The following EBF1 variants were observed in gnomAD, a reference collection of about 807,000 sequenced individuals.
The protein encoded by EBF1 is transcription factor COE1.
In EBF1, 10 loss-of-function variants were observed where a neutral mutation model predicts 68.4. The observed-to-expected ratio is 0.15, with a 90% CI of 0.09 to 0.25. EBF1 has a LOEUF of 0.25. EBF1 is among the 10% of genes least tolerant of loss of function. EBF1 has a pLI of 1.00. For synonymous variants in EBF1, 298 were observed against 299.8 expected (o/e 0.99, Z 0.06); for missense variants, 509 against 794.4 (o/e 0.64, Z 4.32).
At chr5:158,888,272 G>A (rs1186167954) in intron 6 of EBF1, among the ~76,000 whole-genome samples, 10 of 151,984 alleles carry the variant, frequency 6.6e-5, no homozygotes, top group Middle Eastern at 3.4e-3. Context: ...GTGTGTGTGC[G>A]TGCGTGTGTG....
Position 159,095,665 on chromosome 5 carries a change from C to T in EBF1, c.366G>A (p.Thr122=). ...LQLLYSNGIR[T]EQDFYVRLID... ...TGAGGCGCACGTAGAAATCCTGCTCCGTCCTTATCCCTAGGGTTGGAAATG... is the reference window on the plus strand; with the variant it reads ...TGAGGCGCACGTAGAAATCCTGCTCTGTCCTTATCCCTAGGGTTGGAAATG... The change falls in exon 4 of 16, where the codon ACG becomes ACA. Residue 122 remains threonine, a synonymous_variant. Coordinates refer to ENST00000313708, the MANE Select transcript of EBF1 (RefSeq NM_024007.5). The T allele has an allele frequency of 5.0e-6, 8 of 1,614,016 alleles. No homozygotes were observed. Among genetic ancestry groups the T allele is most frequent in the Non-Finnish European group, 6.8e-6 (8 of 1,179,948 alleles).
intron 6 of EBF1, among the ~76,000 whole-genome samples, chr5:158,884,439 A>G (rs1799594300): frequency 6.6e-6 from 1 of 152,234 alleles, no homozygotes; most frequent in African/African-American, 2.4e-5. Context: ...AAATGAAAAT[A>G]ATACATTCAA....
chr5:159,096,543 A>C lies in EBF1; in HGVS notation c.292-137T>G. On this transcript the variant is annotated intron_variant, in intron 2 of 15. Transcript: ENST00000313708. ...CCAGGCAGCCACGGTAGCAGCAGAA[A>C]TTGTGGCCAATTGTGATCCCTCCTC... 5.8e-6 allele frequency: 5 copies of C among 867,986 alleles called. No homozygotes were observed. The South Asian group carries it at 8.0e-5, about 14-fold the overall frequency. The allele number at this position is 867,986 out of a possible 1,614,324, so 53.8% of individuals were successfully genotyped here. A position where few individuals can be genotyped will look rare whatever the true frequency, so the allele number is the denominator to read the frequency against.
At chr5:158,811,647 C>T (rs886361725) in intron 8 of EBF1, among the ~76,000 whole-genome samples, 2 of 152,186 alleles carry the variant, frequency 1.3e-5, no homozygotes, top group Non-Finnish European at 2.9e-5. Context: ...CAACCGCTAT[C>T]GTAACAGTAA....
At chr5:158,945,966 A>G (rs886907152) in intron 6 of EBF1, among the ~76,000 whole-genome samples, 4 of 151,950 alleles carry the variant, frequency 2.6e-5, no homozygotes, top group African/African-American at 9.7e-5. Flanking sequence ...CTTCCACTTG[A>G]TCAATTTGGC....
intron 10 of EBF1, among the ~76,000 whole-genome samples, chr5:158,750,437 C>A (rs1768557220): frequency 6.6e-6 from 1 of 151,894 alleles, no homozygotes; most frequent in East Asian, 1.9e-4. Flanking sequence ...TATTTCCTAA[C>A]TGGGCAGATA....
intron 6 of EBF1, among the ~76,000 whole-genome samples, chr5:158,874,525 G>A (rs1797455264): frequency 6.6e-6 from 1 of 152,140 alleles, no homozygotes; most frequent in Non-Finnish European, 1.5e-5. Flanking sequence ...CCACGTGTTG[G>A]TTAACACTGA....
intron 6 of EBF1, among the ~76,000 whole-genome samples, chr5:159,056,403 G>T (rs888999623): frequency 1.3e-5 from 2 of 152,122 alleles, no homozygotes; most frequent in South Asian, 2.1e-4. Flanking sequence ...CAGTACAGAA[G>T]CTGCCAACTC....
intron 6 of EBF1, among the ~76,000 whole-genome samples, chr5:159,005,033 C>T (rs762529392): frequency 6.6e-5 from 10 of 152,212 alleles, no homozygotes; most frequent in Non-Finnish European, 1.3e-4. Context: ...TTACCATGAC[C>T]CAAAGACTGC....
intron 10 of EBF1, among the ~76,000 whole-genome samples, chr5:158,755,614 A>G (rs754070418): frequency 4.6e-5 from 7 of 152,182 alleles, no homozygotes; most frequent in Non-Finnish European, 7.4e-5. Flanking sequence ...TGAAGGCCTA[A>G]AAGTGGAAAG....
chr5:159,099,389 C>A lies in EBF1; in HGVS notation c.90G>T (p.Trp30Cys). 2 of 1,600,030 alleles carry A rather than the reference C, an allele frequency of 1.2e-6. No homozygotes were observed. Among genetic ancestry groups the A allele is most frequent in the Non-Finnish European group, 1.7e-6 (2 of 1,173,612 alleles). ...CGTCCAGCACCCCGGCGCCCTGCAT[C>A]CACGTCCGCACCGCGTTCATGCCGC... ...LGSGMNAVRT[W>C]MQGAGVLDAN... is the part of the protein sequence containing the mutation. The change falls in exon 1 of 16, where the codon TGG becomes TGT. Residue 30 changes from tryptophan to cysteine, a missense_variant. By Grantham distance (215) the Trp-to-Cys change is radical (BLOSUM62 -2). Around this residue, in one of 3 missense-constraint regions of EBF1, gnomAD observed 74 missense variants for 79.4 expected, o/e 0.93. Transcript: ENST00000313708.
At chr5:158,937,434 G>A (rs948358702) in intron 6 of EBF1, among the ~76,000 whole-genome samples, 5 of 152,114 alleles carry the variant, frequency 3.3e-5, no homozygotes, top group Non-Finnish European at 5.9e-5. Context: ...TACTTATAAG[G>A]GTTCCCGCAG....
intron 6 of EBF1, among the ~76,000 whole-genome samples, chr5:158,963,722 A>C (rs1753536363): frequency 1.3e-5 from 2 of 152,252 alleles, no homozygotes; most frequent in Admixed American, 6.5e-5. Context: ...GCACCCATCC[A>C]GCTATTAATG....
At chr5:158,768,300 A>G (rs1460681604) in intron 10 of EBF1, among the ~76,000 whole-genome samples, 1 of 152,182 alleles carries the variant, frequency 6.6e-6, no homozygotes, top group African/African-American at 2.4e-5. Flanking sequence ...CTAGGGCATA[A>G]GATGATTATC....
Position 158,779,028 on chromosome 5 carries a change from T to A in EBF1, c.910-1489A>T, listed in dbSNP as rs564726664. Among the ~76,000 whole-genome samples the A allele has an allele frequency of 4.6e-5, 7 of 152,180 alleles. No individual in the cohort carries two copies. In the East Asian group the frequency reaches 1.4e-3, roughly 29 times the overall value. ...ATGGAAATCAGGAAATCGAGTTTAATAATGTAGAGAGAATAAGAAGAAAGA... is the reference window on the plus strand; with the variant it reads ...ATGGAAATCAGGAAATCGAGTTTAAAAATGTAGAGAGAATAAGAAGAAAGA... On this transcript the variant is annotated intron_variant, in intron 9 of 15. Transcript: ENST00000313708.
chr5:158,749,652 G>C (rs193230723), intron 10 of EBF1, among the ~76,000 whole-genome samples: 27 of 152,228 alleles, frequency 1.8e-4, no homozygotes, highest in Admixed American at 1.4e-3. Context: ...TTCCTATAGA[G>C]TTTAGGATTT....
At chr5:159,078,420 G>A (rs1222021196) in intron 5 of EBF1, among the ~76,000 whole-genome samples, 5 of 152,158 alleles carry the variant, frequency 3.3e-5, no homozygotes, top group South Asian at 4.1e-4. Context: ...AGCACTTAAC[G>A]GAAAAAGTGA....
At chr5:159,000,586 G>T (rs1465491699) in intron 6 of EBF1, among the ~76,000 whole-genome samples, 2 of 152,144 alleles carry the variant, frequency 1.3e-5, no homozygotes, top group African/African-American at 4.8e-5. Context: ...TTGACAGCAG[G>T]TGTTGCCAAT....
chr5:158,836,814 T>A (rs1282180348), intron 7 of EBF1, among the ~76,000 whole-genome samples: 2 of 152,180 alleles, frequency 1.3e-5, no homozygotes, highest in African/African-American at 4.8e-5. Flanking sequence ...CAATAAGGAA[T>A]TTGTCATTGT....
Sources: gnomAD v4.1 joint callset for allele counts (sites outside exome capture counted in the v4.1 genomes callset) on GRCh38, gnomAD v4.1.1 for gene constraint, gnomAD v4.1.1 regional missense constraint, MANE v1.5 for transcripts, NCBI Gene and HGNC (gene_info 2026-07-23, HGNC 2026-07-21) for gene names.